The following TOP2A variants were observed in gnomAD, a reference collection of about 807,000 sequenced individuals.
TOP2A encodes the protein DNA topoisomerase 2-alpha.
Under a neutral mutation model 187.2 loss-of-function variants are expected in TOP2A, and 68 were observed. The observed-to-expected ratio is 0.36, with a 90% CI of 0.30 to 0.44. TOP2A has a LOEUF of 0.44. TOP2A is among the 20% of genes least tolerant of loss of function. The pLI is 1.00. For missense variants in TOP2A, 1,196 were observed against 1,808.7 expected (o/e 0.66, Z 6.14); for synonymous variants, 542 against 593.2 (o/e 0.91, Z 1.25).
In TOP2A at chr17:40,407,972, T is replaced by C. The variant is rs1292090168; in HGVS notation, c.1495A>G (p.Lys499Glu). 1 of 1,612,074 alleles carries C rather than the reference T, an allele frequency of 6.2e-7. No individual in the cohort carries two copies. Among genetic ancestry groups the C allele is most frequent in the Non-Finnish European group, 8.5e-7 (1 of 1,179,034 alleles). Residue 499 changes from lysine (K) to glutamate (E), a missense_variant, in exon 12 of 35, where the codon AAG (lysine) becomes GAG (glutamate). Transcript: ENST00000423485. ...KILNVREASH[K>E]QIMENAEINN... ...AAGATCGTCTTATATTCTACCTGCT[T>C]ATGAGAAGCTTCTCGAACATTGAGT...
rs1446935316 is a variant in TOP2A, at chr17:40,399,876, G to C, written c.3192C>G (p.Ile1064Met). ...FILEKIDGKI[I>M]IENKPKKELI... ...GTTATTATTCCCAAAACATACCAAT[G>C]ATTATTTTGCCATCTATTTTCTCTA... Residue 1064 changes from isoleucine (I) to methionine (M), a missense_variant, in exon 24 of 35, where the codon ATC becomes ATG. This residue lies in a region of TOP2A where 232 missense variants were observed against 306.1 expected (regional missense o/e 0.76). Transcript: ENST00000423485. The C allele has an allele frequency of 1.3e-6, 2 of 1,593,052 alleles. No individual in the cohort carries two copies. The highest frequency in any genetic ancestry group is 2.7e-5 in the African/African-American group (2 of 73,572).
Position 40,411,845 on chromosome 17 carries a change from T to C in TOP2A, c.790-27A>G, listed in dbSNP as rs1367117375. On this transcript the variant is annotated intron_variant, in intron 7 of 34. Coordinates refer to ENST00000423485, the MANE Select transcript of TOP2A (RefSeq NM_001067.4). The surrounding 1 kb of genome is among the most constrained non-coding windows in gnomAD (Gnocchi z 4.4). Reference sequence around the variant, plus strand: ...TGTACAGGAATTAAAGGTAACAGTATTAAGAAAGTTATTAAAAAATAGGTT... The same window carrying C: ...TGTACAGGAATTAAAGGTAACAGTACTAAGAAAGTTATTAAAAAATAGGTT... 6.5e-7 allele frequency: 1 copy of C among 1,532,798 alleles called. No individual in the cohort carries two copies. The highest frequency in any genetic ancestry group is 8.7e-7 in the Non-Finnish European group (1 of 1,143,594). The allele number at this position is 1,532,798 out of a possible 1,614,324, so 94.9% of individuals were successfully genotyped here. A position where few individuals can be genotyped will look rare whatever the true frequency, so the allele number is the denominator to read the frequency against.
chr17:40,401,618 A>G (rs2035181401), intron 20 of TOP2A, among the ~76,000 whole-genome samples: 2 of 152,166 alleles, frequency 1.3e-5, no homozygotes, highest in South Asian at 4.1e-4. Context: ...CTGAGGCAGG[A>G]GAATCACTTG....
At chr17:40,416,929 A>G in intron 1 of TOP2A, 34 bp from the exon 2 acceptor site, 1 of 1,538,816 alleles carries the variant, frequency 6.5e-7, no homozygotes, top group Non-Finnish European at 8.8e-7. Flanking sequence ...AAAGAAGGGA[A>G]TTTTTAATCA....
chr17:40,410,800 A>G (rs2092791893), intron 10 of TOP2A: 1 of 397,846 alleles, frequency 2.5e-6, no homozygotes, highest in African/African-American at 2.1e-5. Flanking sequence ...GGAGGTAACA[A>G]ATTCAATTTT....
rs377477621 is a variant in TOP2A at position 40,392,622 on chromosome 17, A to G, written c.3927T>C (p.Asp1309=). ...GTGGCTCTGTTTCTCGTGGAGGGAC[A>G]TCAAAATTACTTTCGTCACTGCTCC... ...SDRSSDESNF[D]VPPRETEPRR... The change falls in exon 30 of 35, where the codon GAT becomes GAC. Residue 1309 remains aspartate (D), a synonymous_variant. Transcript: ENST00000423485. 1 of 1,613,190 alleles carries G rather than the reference A, an allele frequency of 6.2e-7. No homozygotes were observed. Among genetic ancestry groups the G allele is most frequent in the South Asian group, 1.1e-5 (1 of 90,912 alleles).
At position 40,404,848 on chromosome 17, in the gene TOP2A, T is replaced by C; in HGVS notation, c.1989A>G (p.Glu663=). The change falls in exon 17 of 35, where the codon GAA becomes GAG. Residue 663 remains glutamate (E), a synonymous_variant. Transcript: ENST00000423485. The part of the protein sequence containing the change: ...FSKKQIDDRK[E]WLTNFMEDRR... ...TATCCTCCATGAAATTAGTTAACCA[T>C]TCCTTTCGATCATCTATCTGTTTTT... 1.2e-6 allele frequency: 2 copies of C among 1,600,012 alleles called. No individual in the cohort carries two copies. Among genetic ancestry groups the C allele is most frequent in the Non-Finnish European group, 1.7e-6 (2 of 1,172,304 alleles).
At position 40,404,217 on chromosome 17, in the gene TOP2A, G is replaced by A. The variant is rs757791718; in HGVS notation, c.2218C>T (p.Arg740Ter). 3.1e-6 allele frequency: 5 copies of A among 1,613,682 alleles called. No individual in the cohort carries two copies. The highest frequency in any genetic ancestry group is 1.3e-5 in the African/African-American group (1 of 74,916). ...GCTAATTGGGCAACCTTTACTTCTC[G>A]CTTGTCATTCCGTTTGAAGCAAGTA... Reference protein sequence around the residue: ...LFTCFKRNDKREVKVAQLAGS... With the variant: ...LFTCFKRNDK Residue 740 changes from arginine (R) to a stop codon, truncating the protein, a stop_gained, in exon 19 of 35, where the codon CGA becomes TGA. Transcript: ENST00000423485. LOFTEE classifies it high-confidence loss of function.
chr17:40,389,790 C>G, intron 34 of TOP2A, 143 bp from the exon 35 acceptor site: 1 of 1,267,932 alleles, frequency 7.9e-7, no homozygotes, highest in Non-Finnish European at 1.1e-6. Context: ...GCCAACTCTT[C>G]CATTGCCCAA....
Position 40,416,063 on chromosome 17 carries a change from C to G in TOP2A, c.274G>C (p.Ala92Pro). ...GGGTCCCTTTGTTTGTTGTCCGCAGCATTAACTGAAAGAAAATAAAATATA... is the reference window on the plus strand; with the variant it reads ...GGGTCCCTTTGTTTGTTGTCCGCAGGATTAACTGAAAGAAAATAAAATATA... ...YKIFDEILVN[A>P]ADNKQRDPKM... Residue 92 changes from alanine (A) to proline (P), a missense_variant, in exon 4 of 35, where the codon GCT (alanine) becomes CCT (proline). Coordinates refer to ENST00000423485, the MANE Select transcript of TOP2A (RefSeq NM_001067.4). The G allele has an allele frequency of 2.5e-6, 4 of 1,571,842 alleles. No homozygotes were observed. Among genetic ancestry groups the G allele is most frequent in the Non-Finnish European group, 3.5e-6 (4 of 1,153,026 alleles).
intron 27 of TOP2A, among the ~76,000 whole-genome samples, chr17:40,396,889 GTTTTTTTTTTGTT>G (rs1383677203): frequency 6.9e-6 from 1 of 145,074 alleles, no homozygotes; most frequent in Non-Finnish European, 1.5e-5. Context: ...GCTTTTGGTG[GTTTTTTTTTTGTT>G]TTTTTTTTTT....
At chr17:40,394,068 A>G (rs1425461278) in intron 29 of TOP2A, among the ~76,000 whole-genome samples, 1 of 146,098 alleles carries the variant, frequency 6.8e-6, no homozygotes, top group Admixed American at 6.8e-5. Context: ...TCTGCCTCAA[A>G]AAAAAAAAAA....
At position 40,399,100 on chromosome 17, in the gene TOP2A, A is replaced by G. The variant is rs1224300697; in HGVS notation, c.3228T>C (p.Val1076=). The change falls in exon 25 of 35, where the codon GTT becomes GTC. Residue 1076 remains valine (V), a synonymous_variant. Transcript: ENST00000423485. ...ENKPKKELIK[V]LIQRGYDSDP... Reference sequence around the variant, plus strand: ...CCGAATCATATCCCCTCTGAATCAGAACTTTAATTAATTCTTTCTTAGGCT... The same window carrying G: ...CCGAATCATATCCCCTCTGAATCAGGACTTTAATTAATTCTTTCTTAGGCT... The G allele has an allele frequency of 1.3e-6, 2 of 1,571,150 alleles. No homozygotes were observed. The highest frequency in any genetic ancestry group is 3.7e-5 in the Admixed American group (2 of 53,588).
intron 16 of TOP2A, 107 bp from the exon 17 acceptor site, chr17:40,404,990 CTTTT>C (rs1265795492): frequency 6.8e-4 from 371 of 542,404 alleles, no homozygotes; most frequent in Middle Eastern, 1.0e-3. Context: ...TACTGTTTTC[CTTTT>C]TTTTTTTTTT....
chr17:40,409,253 G>C, intron 10 of TOP2A: 1 of 300,882 alleles, frequency 3.3e-6, no homozygotes, highest in Non-Finnish European at 6.3e-6. Flanking sequence ...TGAAATGGCT[G>C]TAATCCTAGC....
chr17:40,417,546 G>A, intron 1 of TOP2A: 1 of 1,427,846 alleles, frequency 7.0e-7, no homozygotes, highest in Non-Finnish European at 9.1e-7. Flanking sequence ...CCTAGAAACA[G>A]GGCAACAACG....
intron 29 of TOP2A, among the ~76,000 whole-genome samples, chr17:40,393,822 G>A (rs904504191): frequency 3.3e-5 from 5 of 152,108 alleles, no homozygotes; most frequent in Non-Finnish European, 5.9e-5. Context: ...ATGGGAGGCC[G>A]AGGTGGGCAG....
chr17:40,396,470 A>G lies in TOP2A; in HGVS notation c.3538-5T>C. 1 of 1,612,966 alleles carries G rather than the reference A, an allele frequency of 6.2e-7. No individual in the cohort carries two copies. The highest frequency in any genetic ancestry group is 1.3e-5 in the African/African-American group (1 of 74,976). ...TTTTTCCTTGGCTTCAACAGCCTAC[A>G]GAAGGGATATAAGAAAGCAAGTTTA... On this transcript the variant is annotated splice_polypyrimidine_tract_variant and splice_region_variant and intron_variant, in intron 27 of 34. Transcript: ENST00000423485.
rs767346882 is a variant in TOP2A, at chr17:40,404,201, G to C, written c.2234C>G (p.Ala745Gly). The change falls in exon 19 of 35, where the codon GCC becomes GGC. Residue 745 changes from alanine (A) to glycine (G), a missense_variant. Around this residue, in one of 10 missense-constraint regions of TOP2A, gnomAD observed 209 missense variants for 376.9 expected, o/e 0.55. Coordinates refer to ENST00000423485, the MANE Select transcript of TOP2A (RefSeq NM_001067.4). ...TTCAGCCACTGATCCAGCTAATTGG[G>C]CAACCTTTACTTCTCGCTTGTCATT... ...KRNDKREVKV[A>G]QLAGSVAEMS... 6.2e-7 allele frequency: 1 copy of C among 1,613,838 alleles called. No individual in the cohort carries two copies. Among genetic ancestry groups the C allele is most frequent in the Non-Finnish European group, 8.5e-7 (1 of 1,179,844 alleles).
Sources: allele counts gnomAD v4.1 joint callset (sites outside exome capture counted in the v4.1 genomes callset), GRCh38; gene constraint gnomAD v4.1.1; regional missense constraint gnomAD v4.1.1; non-coding constraint Gnocchi (gnomAD v3.1); transcripts MANE v1.5; gene names NCBI Gene and HGNC (gene_info 2026-07-23, HGNC 2026-07-21).